OGDH: variants seen among roughly 807,000 people sequenced by gnomAD.
OGDH encodes the protein oxoglutarate dehydrogenase.
Under a neutral mutation model 116.6 loss-of-function variants are expected in OGDH, and 38 were observed. The observed-to-expected ratio is 0.33, with a 90% CI of 0.25 to 0.43. OGDH has a LOEUF of 0.43. OGDH is among the 20% of genes least tolerant of loss of function. The pLI, the probability that OGDH is intolerant of heterozygous loss-of-function variation, is 1.00. For synonymous variants in OGDH, 488 were observed against 533.3 expected, an observed-to-expected ratio of 0.92 and a Z score of 1.17; for missense variants, 825 against 1,357.2, an observed-to-expected ratio of 0.61 and a Z score of 6.16.
chr7:44,624,310 T>TTTTTTTAGTGA lies in OGDH; in HGVS notation c.-27-7_-27-6insTTTTTTAGTGA. ...TTTCTTGTTTTTTTTTTTTTTTTTT[T>TTTTTTTAGTGA]GTACAGGCAGTTGTGAAAAACTTCA... On this transcript the variant is annotated splice_region_variant and splice_polypyrimidine_tract_variant and intron_variant, in intron 1 of 22. Transcript: ENST00000222673. 1 of 1,102,340 alleles carries TTTTTTTAGTGA rather than the reference T, an allele frequency of 9.1e-7. No homozygotes were observed. Among genetic ancestry groups the TTTTTTTAGTGA allele is most frequent in the Non-Finnish European group, 1.2e-6 (1 of 812,452 alleles). The allele number at this position is 1,102,340 out of a possible 1,614,324, so 68.3% of individuals were successfully genotyped here.
chr7:44,634,887 A>G (rs567213020), intron 2 of OGDH, among the ~76,000 whole-genome samples: 1 of 152,370 alleles, frequency 6.6e-6, no homozygotes, highest in East Asian at 1.9e-4. Context: ...CATTTGCTGA[A>G]GGCTCTGGAG....
In OGDH at chr7:44,676,058, C is replaced by T. The variant is rs1787679031; in HGVS notation, c.1115C>T (p.Ala372Val). ...AGGAACATTACCTTGTCCTTGGTGG[C>T]CAACCCTTCCCACCTTGAGGCCGCT... ...TDRNITLSLV[A>V]NPSHLEAADP... Residue 372 changes from alanine (A) to valine (V), a missense_variant, in exon 9 of 23, where the codon GCC becomes GTC. Around this residue, in one of 7 missense-constraint regions of OGDH, gnomAD observed 146 missense variants for 317.3 expected, o/e 0.46. Transcript: ENST00000222673. 2 of 1,614,034 alleles carry T rather than the reference C, an allele frequency of 1.2e-6. No individual in the cohort carries two copies. The highest frequency in any genetic ancestry group is 1.7e-6 in the Non-Finnish European group (2 of 1,180,016).
chr7:44,703,868 A>G (rs970865263), intron 20 of OGDH, among the ~76,000 whole-genome samples: 3 of 151,924 alleles, frequency 2.0e-5, no homozygotes, highest in Non-Finnish European at 4.4e-5. Context: ...CTGGACAACA[A>G]GAGCGAAACT....
intron 9 of OGDH, among the ~76,000 whole-genome samples, chr7:44,678,644 T>C (rs1376673823): frequency 6.6e-6 from 1 of 152,184 alleles, no homozygotes; most frequent in Non-Finnish European, 1.5e-5. Context: ...TGCCCCAATG[T>C]GGATAGCTGC....
chr7:44,706,624 A>ATTTTTTTTTT (rs60453820), intron 20 of OGDH, among the ~76,000 whole-genome samples: 13 of 123,240 alleles, frequency 1.1e-4, no homozygotes, highest in African/African-American at 3.5e-4. Context: ...CCCGGCTGGT[A>ATTTTTTTTTT]TTTTTTTTTT....
In OGDH at chr7:44,645,522, A is replaced by C; in HGVS notation, c.414+4A>C. The C allele has an allele frequency of 2.5e-6, 4 of 1,613,268 alleles. No homozygotes were observed. Among genetic ancestry groups the C allele is most frequent in the Non-Finnish European group, 3.4e-6 (4 of 1,179,338 alleles). On this transcript the variant is annotated splice_donor_region_variant and intron_variant, in intron 3 of 22. Transcript: ENST00000222673. ...GTCGCTCATCAGGGCATATCAGGTA[A>C]GGCGGGTGCTTTACCCGCACACGGG...
chr7:44,637,696 GC>G (rs2115673470), intron 2 of OGDH, among the ~76,000 whole-genome samples: 1 of 152,126 alleles, frequency 6.6e-6, no homozygotes, highest in African/African-American at 2.4e-5. Context: ...TGTAATCCCA[GC>G]TACTGGGGAG....
At chr7:44,654,643 G>C (rs1039195854) in intron 4 of OGDH, among the ~76,000 whole-genome samples, 5 of 152,170 alleles carry the variant, frequency 3.3e-5, no homozygotes, top group African/African-American at 1.2e-4. Flanking sequence ...GGAGGGCGGG[G>C]CCAAGCTAAG....
At chr7:44,682,618 C>T (rs1226313042) in intron 10 of OGDH, among the ~76,000 whole-genome samples, 1 of 151,850 alleles carries the variant, frequency 6.6e-6, no homozygotes, top group Non-Finnish European at 1.5e-5. Context: ...TCACTTGAAA[C>T]CCTTGAGGCG....
chr7:44,659,204 G>A (rs1482113138), intron 4 of OGDH, among the ~76,000 whole-genome samples: 5 of 152,144 alleles, frequency 3.3e-5, no homozygotes, highest in South Asian at 2.1e-4. Context: ...TGCTAATGTC[G>A]TGGATTGTAT....
chr7:44,612,139 C>T (rs75935165), intron 1 of OGDH, among the ~76,000 whole-genome samples: 9,876 of 152,094 alleles, frequency 0.065, 401 homozygotes, highest in East Asian at 0.12. Context: ...TAACCAGCAC[C>T]GTTTGTTTGA....
intron 8 of OGDH, among the ~76,000 whole-genome samples, chr7:44,675,555 T>C (rs1338649337): frequency 6.6e-6 from 1 of 152,050 alleles, no homozygotes; most frequent in African/African-American, 2.4e-5. Flanking sequence ...GGCCTCCATA[T>C]CCTTCTGCGT....
intron 5 of OGDH, among the ~76,000 whole-genome samples, chr7:44,669,170 T>TTTTTTTTTTTTTTTTTTTTTTTTTTA: frequency 6.8e-6 from 1 of 146,124 alleles, no homozygotes; most frequent in African/African-American, 2.6e-5. Flanking sequence ...TTTTTTTTTT[T>TTTTTTTTTTTTTTTTTTTTTTTTTTA]GAGACAGGGT....
chr7:44,646,311 G>A (rs1786179475), intron 3 of OGDH, among the ~76,000 whole-genome samples: 1 of 152,212 alleles, frequency 6.6e-6, no homozygotes, highest in South Asian at 2.1e-4. Flanking sequence ...GGCAACAAGG[G>A]GACTCATGTC....
chr7:44,632,765 C>T (rs1452405575), intron 2 of OGDH, among the ~76,000 whole-genome samples: 8 of 151,942 alleles, frequency 5.3e-5, no homozygotes, highest in Non-Finnish European at 8.8e-5. Context: ...ACCATAGGCG[C>T]GTGCCACCAC....
At chr7:44,665,085 A>G (rs1250095610) in intron 4 of OGDH, among the ~76,000 whole-genome samples, 3 of 152,212 alleles carry the variant, frequency 2.0e-5, no homozygotes, top group Non-Finnish European at 2.9e-5. Context: ...TTTAGTCAGG[A>G]AAAATTTCTC....
At chr7:44,621,906 G>C (rs939458181) in intron 1 of OGDH, among the ~76,000 whole-genome samples, 4 of 151,964 alleles carry the variant, frequency 2.6e-5, no homozygotes, top group African/African-American at 9.7e-5. Context: ...TGGCAGCTCT[G>C]CTGGGCAGCA....
chr7:44,665,878 GA>G (rs1193390885), intron 4 of OGDH, among the ~76,000 whole-genome samples: 1 of 152,208 alleles, frequency 6.6e-6, no homozygotes, highest in East Asian at 1.9e-4. Context: ...GATACAGCAA[GA>G]TGAAACAAGC....
At chr7:44,614,793 A>G (rs535245709) in intron 1 of OGDH, among the ~76,000 whole-genome samples, 3 of 134,392 alleles carry the variant, frequency 2.2e-5, no homozygotes, top group South Asian at 4.8e-4. Flanking sequence ...GTGTCTATAG[A>G]TTGTCTTTTT....
Sources: gnomAD v4.1 joint callset for allele counts (sites outside exome capture counted in the v4.1 genomes callset) on GRCh38, gnomAD v4.1.1 for gene constraint, gnomAD v4.1.1 regional missense constraint, MANE v1.5 for transcripts, NCBI Gene and HGNC (gene_info 2026-07-23, HGNC 2026-07-21) for gene names.